The following CADM2 variants were observed in gnomAD, a reference collection of about 807,000 sequenced individuals.
CADM2 encodes the protein cell adhesion molecule 2.
Under a neutral mutation model 49.8 loss-of-function variants are expected in CADM2, and 12 were observed. The observed-to-expected ratio is 0.24, with a 90% CI of 0.15 to 0.39. CADM2 has a LOEUF of 0.39. Ranked by LOEUF, CADM2 falls within the 10% of genes least tolerant of loss-of-function variation. The pLI, the probability that CADM2 is intolerant of heterozygous loss-of-function variation, is 1.00. For missense variants in CADM2, 378 were observed against 492.3 expected, an observed-to-expected ratio of 0.77 and a Z score of 2.20; for synonymous variants, 214 against 175.4, an observed-to-expected ratio of 1.22 and a Z score of -1.74.
chr3:85,785,935 CCAGTACAAATCTATGAAT>C (rs1211347517), intron 2 of CADM2, among the ~76,000 whole-genome samples: 9 of 152,032 alleles, frequency 5.9e-5, no homozygotes, highest in African/African-American at 2.2e-4. Context: ...TATTTTGGAT[CCAGTACAAATCTATGAAT>C]GATTTGAATT....
chr3:85,946,826 C>T lies in CADM2; in HGVS notation c.791+10969C>T, dbSNP rs570707922. Among the ~76,000 whole-genome samples the T allele has an allele frequency of 4.5e-3, 680 of 152,188 alleles. 7 individuals are homozygous for T. The highest frequency in any genetic ancestry group is 7.2e-3 in the Non-Finnish European group (488 of 67,990). On this transcript the variant is annotated intron_variant, in intron 7 of 9. Transcript: ENST00000383699. ...TGGATTAAAGACTTAAACGTTAGAC[C>T]TAAAACCATAAAAACCCTAGAAGAA...
intron 1 of CADM2, among the ~76,000 whole-genome samples, chr3:85,353,298 G>A (rs981503222): frequency 3.3e-5 from 5 of 151,924 alleles, no homozygotes; most frequent in African/African-American, 1.2e-4. Context: ...GAATCACAGC[G>A]AGGCCATTTC....
intron 1 of CADM2, among the ~76,000 whole-genome samples, chr3:85,218,839 A>G (rs1413653255): frequency 6.6e-6 from 1 of 152,162 alleles, no homozygotes; most frequent in African/African-American, 2.4e-5. Context: ...AGTGATGGCA[A>G]TTTTCCAAAT....
In CADM2 at chr3:85,209,903, A is replaced by G. The variant is rs568175649; in HGVS notation, c.61+250235A>G. On this transcript the variant is annotated intron_variant, in intron 1 of 9. Transcript: ENST00000383699. ...CGTAGAACATAAAACTCAAAATAGC[A>G]GAGAGAAGACAAATGAACATGAAAT... 1.8e-3 allele frequency among the ~76,000 whole-genome samples: 274 copies of G among 152,342 alleles called. 1 individual carries two copies. The highest frequency in any genetic ancestry group is 6.3e-3 in the African/African-American group (263 of 41,590).
chr3:85,078,494 A>C (rs1171287819), intron 1 of CADM2, among the ~76,000 whole-genome samples: 1 of 151,978 alleles, frequency 6.6e-6, no homozygotes, highest in Non-Finnish European at 1.5e-5. Context: ...TAAAGCCAGG[A>C]TAAAGACTCT....
intron 1 of CADM2, among the ~76,000 whole-genome samples, chr3:85,214,900 G>A (rs566914411): frequency 6.6e-5 from 10 of 152,058 alleles, no homozygotes; most frequent in Admixed American, 2.0e-4. Flanking sequence ...CCATCCAGGA[G>A]TCATGGCCTG....
intron 1 of CADM2, among the ~76,000 whole-genome samples, chr3:85,412,001 T>C (rs562748195): frequency 6.6e-6 from 1 of 152,234 alleles, no homozygotes; most frequent in South Asian, 2.1e-4. Flanking sequence ...CTATTTTTTA[T>C]ATTTTCAGTA....
At chr3:85,336,955 AATATATATATTAAATATATATTTAAT>A (rs60373396) in intron 1 of CADM2, among the ~76,000 whole-genome samples, 43,271 of 89,642 alleles carry the variant, frequency 0.48, 7,523 homozygotes, top group East Asian at 0.63. Context: ...ATATATATTT[AATATATATATTAAATATATATTTAAT>A]ATATATATAT....
intron 1 of CADM2, among the ~76,000 whole-genome samples, chr3:85,351,747 C>T (rs1337408264): frequency 6.6e-6 from 1 of 152,058 alleles, no homozygotes; most frequent in Non-Finnish European, 1.5e-5. Flanking sequence ...CTGGGCCTGT[C>T]TATATTTGAA....
In CADM2 at chr3:85,537,574, GA is replaced by G. The variant is rs1456146261; in HGVS notation, c.62-188946del. On this transcript the variant is annotated intron_variant, in intron 1 of 9. Coordinates refer to ENST00000383699, the MANE Select transcript of CADM2 (RefSeq NM_001167675.2). ...GAAAATGTGTTTATTTCCACAAATAGAATCATCAAACTGTTTGGTGATTGTA... is the reference window on the plus strand; with the variant it reads ...GAAAATGTGTTTATTTCCACAAATAGATCATCAAACTGTTTGGTGATTGTA... Among the ~76,000 whole-genome samples, 4 of 151,778 alleles carry G rather than the reference GA, an allele frequency of 2.6e-5. No homozygotes were observed. The East Asian group carries it at 7.8e-4, about 30-fold the overall frequency.
At chr3:85,096,627 A>G (rs1055497330) in intron 1 of CADM2, among the ~76,000 whole-genome samples, 10 of 152,038 alleles carry the variant, frequency 6.6e-5, no homozygotes, top group Admixed American at 3.3e-4. Context: ...GTTTTTGAAA[A>G]GTAATTGTAT....
rs956016590 is a variant in CADM2 at position 85,494,941 on chromosome 3, A to G, written c.62-231581A>G. Among the ~76,000 whole-genome samples the G allele has an allele frequency of 3.3e-5, 5 of 152,268 alleles. 1 individual carries two copies. The highest frequency in any genetic ancestry group is 3.3e-4 in the Admixed American group (5 of 15,298). On this transcript the variant is annotated intron_variant, in intron 1 of 9. Coordinates refer to ENST00000383699, the MANE Select transcript of CADM2 (RefSeq NM_001167675.2). ...GGGGCGAAAGAAAACGTTAGACATG[A>G]TTTATGTTATTTAAAGTATTATATT...
chr3:85,112,008 G>T (rs966348167), intron 1 of CADM2, among the ~76,000 whole-genome samples: 10 of 151,874 alleles, frequency 6.6e-5, no homozygotes, highest in African/African-American at 2.4e-4. Flanking sequence ...GCTAGTTTGA[G>T]ATTTCTAAGT....
chr3:85,684,856 C>A (rs567690266), intron 1 of CADM2, among the ~76,000 whole-genome samples: 1 of 152,170 alleles, frequency 6.6e-6, no homozygotes, highest in African/African-American at 2.4e-5. Flanking sequence ...TATGGGGCTA[C>A]AATTCAAGAT....
chr3:85,379,405 G>T (rs56790881), intron 1 of CADM2, among the ~76,000 whole-genome samples: 1,901 of 152,020 alleles, frequency 0.013, 33 homozygotes, highest in African/African-American at 0.044. Flanking sequence ...TAAAGAAAAA[G>T]AACTTTGAAA....
chr3:85,939,386 T>A (rs1283541601), intron 7 of CADM2, among the ~76,000 whole-genome samples: 1 of 151,002 alleles, frequency 6.6e-6, no homozygotes, highest in African/African-American at 2.4e-5. Context: ...GTCCCCAGAG[T>A]TTTTGCAACC....
intron 8 of CADM2, among the ~76,000 whole-genome samples, chr3:85,986,969 T>TA (rs1728196326): frequency 6.6e-6 from 1 of 152,230 alleles, no homozygotes; most frequent in African/African-American, 2.4e-5. Context: ...CATCGAGTGC[T>TA]AAAGTTTTTA....
chr3:85,007,532 T>G (rs987349945), intron 1 of CADM2, among the ~76,000 whole-genome samples: 2 of 152,146 alleles, frequency 1.3e-5, no homozygotes, highest in African/African-American at 4.8e-5. Flanking sequence ...TTAATTGTGA[T>G]AGTAATAAAG....
intron 1 of CADM2, among the ~76,000 whole-genome samples, chr3:85,022,695 G>A (rs2034558320): frequency 6.6e-6 from 1 of 151,758 alleles, no homozygotes; most frequent in Admixed American, 6.6e-5. Flanking sequence ...TTCCCTCCCT[G>A]CTCTTTGAAT....
Sources: allele counts gnomAD v4.1 joint callset (sites outside exome capture counted in the v4.1 genomes callset), GRCh38; gene constraint gnomAD v4.1.1; transcripts MANE v1.5; gene names NCBI Gene and HGNC (gene_info 2026-07-23, HGNC 2026-07-21).